The following UBE2E2 variants were observed in gnomAD, a reference collection of about 807,000 sequenced individuals.
UBE2E2 encodes the protein ubiquitin conjugating enzyme E2 E2.
A neutral mutation model predicts 24.7 loss-of-function variants in UBE2E2; 6 were observed. That is an observed-to-expected ratio of 0.24 (90% CI 0.13 to 0.48). The LOEUF (loss-of-function observed/expected upper bound fraction) is 0.48, where lower values mean the gene tolerates loss of function less well. UBE2E2 is among the 20% of genes least tolerant of loss of function. The pLI, the probability that UBE2E2 is intolerant of heterozygous loss-of-function variation, is 0.99. For synonymous variants in UBE2E2, 104 were observed against 83.6 expected (o/e 1.24, Z -1.33); for missense variants, 169 against 245.0 (o/e 0.69, Z 2.07).
Position 23,528,032 on chromosome 3 carries a change from C to A in UBE2E2, c.361-4522C>A, listed in dbSNP as rs565486636. ...TAACAGTCAGAACTTGGATTGGCAT[C>A]TGAAGTGAGAAGCAGTCTTGTGGGA... On this transcript the variant is annotated intron_variant, in intron 4 of 5. Coordinates refer to ENST00000396703, the MANE Select transcript of UBE2E2 (RefSeq NM_152653.4). 1.4e-4 allele frequency among the ~76,000 whole-genome samples: 22 copies of A among 152,262 alleles called. 1 individual carries two copies. The highest frequency in any genetic ancestry group is 3.4e-3 in the Middle Eastern group (1 of 294).
intron 1 of UBE2E2, chr3:23,204,537 G>A: frequency 4.2e-6 from 1 of 238,432 alleles, no homozygotes; most frequent in Non-Finnish European, 6.8e-6. Context: ...CTAGATATGT[G>A]ATAATTCAGT....
In UBE2E2 at chr3:23,371,401, A is replaced by G. The variant is rs1189828958; in HGVS notation, c.228-128207A>G. Among the ~76,000 whole-genome samples the G allele has an allele frequency of 2.0e-5, 3 of 152,244 alleles. No individual in the cohort carries two copies. The East Asian group carries it at 5.8e-4, about 29-fold the overall frequency. ...TACCCTGCAGCATTGTGGATATTTT[A>G]TGTTTTCTCACTCAGTGTCACTGAT... On this transcript the variant is annotated intron_variant, in intron 3 of 5. Coordinates refer to ENST00000396703, the MANE Select transcript of UBE2E2 (RefSeq NM_152653.4).
chr3:23,264,718 A>G (rs1697997084), intron 3 of UBE2E2, among the ~76,000 whole-genome samples: 2 of 152,372 alleles, frequency 1.3e-5, no homozygotes, highest in South Asian at 4.1e-4. Flanking sequence ...TTGCCAGTCA[A>G]TCCTTGGTTT....
intron 3 of UBE2E2, among the ~76,000 whole-genome samples, chr3:23,344,390 CA>C (rs1695488723): frequency 6.6e-6 from 1 of 152,048 alleles, no homozygotes; most frequent in African/African-American, 2.4e-5. Flanking sequence ...CTTAGAGCCA[CA>C]AAAACCTTGC....
chr3:23,445,807 T>C lies in UBE2E2; in HGVS notation c.228-53801T>C, dbSNP rs1026496041. Among the ~76,000 whole-genome samples the C allele has an allele frequency of 1.4e-4, 21 of 152,186 alleles. 2 individuals carry two copies. The highest frequency in any genetic ancestry group is 4.4e-5 in the Non-Finnish European group (3 of 68,016). On this transcript the variant is annotated intron_variant, in intron 3 of 5. Transcript: ENST00000396703. ...GTGGGTACTTTAAGTCACAGACTTA[T>C]TTGTTGGCACATAGTGAGGCATGCA... is the stretch of plus-strand genomic sequence containing the variant.
chr3:23,311,247 C>G (rs1436540251), intron 3 of UBE2E2, among the ~76,000 whole-genome samples: 2 of 152,140 alleles, frequency 1.3e-5, no homozygotes, highest in Non-Finnish European at 2.9e-5. Context: ...TTTCTTAATC[C>G]AGTCTATCAT....
At chr3:23,548,128 C>G (rs966562600) in intron 5 of UBE2E2, among the ~76,000 whole-genome samples, 1 of 152,280 alleles carries the variant, frequency 6.6e-6, no homozygotes, top group East Asian at 1.9e-4. Context: ...TGACTGCCTT[C>G]TAAAGACTGC....
chr3:23,475,202 TC>T (rs55661221), intron 3 of UBE2E2, among the ~76,000 whole-genome samples: 3,310 of 152,092 alleles, frequency 0.022, 52 homozygotes, highest in Non-Finnish European at 0.032. Context: ...CAGAACTCCC[TC>T]CTAACTCCCC....
At chr3:23,269,811 A>G (rs1027725376) in intron 3 of UBE2E2, among the ~76,000 whole-genome samples, 1 of 152,156 alleles carries the variant, frequency 6.6e-6, no homozygotes, top group Non-Finnish European at 1.5e-5. Flanking sequence ...AGGGAGGAAA[A>G]TGATGTGCAG....
chr3:23,478,117 AC>A (rs1329106057), intron 3 of UBE2E2, among the ~76,000 whole-genome samples: 1 of 152,240 alleles, frequency 6.6e-6, no homozygotes, highest in African/African-American at 2.4e-5. Flanking sequence ...CGTCCTCAGC[AC>A]TTTTTGTCAA....
intron 3 of UBE2E2, among the ~76,000 whole-genome samples, chr3:23,329,647 G>A (rs1424642165): frequency 6.6e-6 from 1 of 152,198 alleles, no homozygotes; most frequent in Non-Finnish European, 1.5e-5. Flanking sequence ...GCCACCATTG[G>A]CACACACACT....
At chr3:23,447,547 C>T (rs1692621) in intron 3 of UBE2E2, among the ~76,000 whole-genome samples, 25,941 of 152,116 alleles carry the variant, frequency 0.17, 2,375 homozygotes, top group East Asian at 0.23. Flanking sequence ...CTCAACAATG[C>T]TCTTGATGGC....
At chr3:23,248,709 CTGAG>C (rs3059396) in intron 3 of UBE2E2, among the ~76,000 whole-genome samples, 25,084 of 152,128 alleles carry the variant, frequency 0.16, 2,176 homozygotes, top group South Asian at 0.23. Flanking sequence ...ATGTGTGTCC[CTGAG>C]TGAGAGATGG....
chr3:23,293,060 C>G (rs1285861340), intron 3 of UBE2E2, among the ~76,000 whole-genome samples: 18 of 152,128 alleles, frequency 1.2e-4, no homozygotes, highest in Admixed American at 1.2e-3. Flanking sequence ...GCAACAAGAG[C>G]GAAACTCCGT....
chr3:23,424,882 T>G (rs989812284), intron 3 of UBE2E2, among the ~76,000 whole-genome samples: 5 of 152,226 alleles, frequency 3.3e-5, no homozygotes, highest in African/African-American at 1.2e-4. Context: ...TGGTTTTATC[T>G]TAAATTGGTT....
chr3:23,348,903 C>A (rs1250052524), intron 3 of UBE2E2, among the ~76,000 whole-genome samples: 8 of 152,124 alleles, frequency 5.3e-5, no homozygotes, highest in Admixed American at 5.2e-4. Flanking sequence ...GGATGAAGGA[C>A]AAAGCCAAAG....
chr3:23,365,991 C>T lies in UBE2E2; in HGVS notation c.228-133617C>T, dbSNP rs550782979. Among the ~76,000 whole-genome samples, 15 of 152,036 alleles carry T rather than the reference C, an allele frequency of 9.9e-5. 1 individual carries two copies. Among genetic ancestry groups the T allele is most frequent in the South Asian group, 6.2e-4 (3 of 4,804 alleles). ...ACAATCATCTGATCTTTGACAAAGT[C>T]GACAAAAACAAGCTATGGGGAAAGG... On this transcript the variant is annotated intron_variant, in intron 3 of 5. Transcript: ENST00000396703.
At chr3:23,490,251 A>G (rs1559400591) in intron 3 of UBE2E2, among the ~76,000 whole-genome samples, 2 of 152,178 alleles carry the variant, frequency 1.3e-5, no homozygotes, top group Non-Finnish European at 2.9e-5. Context: ...CATGTTGAAC[A>G]TCTGAAATTT....
At chr3:23,333,958 T>A (rs988863311) in intron 3 of UBE2E2, among the ~76,000 whole-genome samples, 2 of 152,208 alleles carry the variant, frequency 1.3e-5, no homozygotes, top group East Asian at 1.9e-4. Context: ...CTCATGTTCT[T>A]TCAATTGTAT....
Sources: gnomAD v4.1 joint callset for allele counts (sites outside exome capture counted in the v4.1 genomes callset) on GRCh38, gnomAD v4.1.1 for gene constraint, MANE v1.5 for transcripts, NCBI Gene and HGNC (gene_info 2026-07-23, HGNC 2026-07-21) for gene names.